MAGI2: variants seen among roughly 807,000 people sequenced by gnomAD.
MAGI2 encodes the protein membrane associated guanylate kinase, WW and PDZ domain containing 2, also known as membrane-associated guanylate kinase, WW and PDZ domain-containing protein 2.
A neutral mutation model predicts 133.3 loss-of-function variants in MAGI2; 35 were observed. The ratio of observed to expected loss-of-function variants is 0.26; its 90% CI spans 0.20 to 0.35. MAGI2 has a LOEUF of 0.35. Ranked by LOEUF, MAGI2 falls within the 10% of genes least tolerant of loss-of-function variation. MAGI2 has a pLI of 1.00. For synonymous variants in MAGI2, 729 were observed against 710.6 expected (o/e 1.03, Z -0.41); for missense variants, 1,636 against 1,863.4 (o/e 0.88, Z 2.25).
At chr7:79,150,927 C>A (rs962869839) in intron 1 of MAGI2, among the ~76,000 whole-genome samples, 1 of 151,896 alleles carries the variant, frequency 6.6e-6, no homozygotes, top group Admixed American at 6.6e-5. Context: ...TAGTTAAAGG[C>A]ATTTTAAAAA....
chr7:78,499,241 C>T (rs1405963221), intron 5 of MAGI2, among the ~76,000 whole-genome samples: 1 of 152,182 alleles, frequency 6.6e-6, no homozygotes, highest in East Asian at 1.9e-4. Context: ...ATGACAGCTC[C>T]CATACCTGGA....
At chr7:78,636,430 A>C (rs1809651323) in intron 2 of MAGI2, among the ~76,000 whole-genome samples, 1 of 149,410 alleles carries the variant, frequency 6.7e-6, no homozygotes, top group African/African-American at 2.5e-5. Context: ...CCCATATGGC[A>C]TCAATTACTG....
chr7:78,444,179 G>T (rs1787898231), intron 6 of MAGI2, among the ~76,000 whole-genome samples: 1 of 152,046 alleles, frequency 6.6e-6, no homozygotes, highest in Non-Finnish European at 1.5e-5. Context: ...AATGTACAAA[G>T]GTCAGTTTAC....
At chr7:79,312,510 T>C (rs1448599572) in intron 1 of MAGI2, among the ~76,000 whole-genome samples, 4 of 152,194 alleles carry the variant, frequency 2.6e-5, no homozygotes, top group African/African-American at 4.8e-5. Context: ...TTCTATGTAA[T>C]ACCGCAACGT....
At chr7:78,309,191 A>G (rs1798485522) in intron 9 of MAGI2, among the ~76,000 whole-genome samples, 1 of 152,250 alleles carries the variant, frequency 6.6e-6, no homozygotes. Flanking sequence ...TACTGGGTAT[A>G]TGCCCAAAGG....
chr7:79,184,200 T>C (rs1826865591), intron 1 of MAGI2, among the ~76,000 whole-genome samples: 1 of 151,794 alleles, frequency 6.6e-6, no homozygotes, highest in African/African-American at 2.4e-5. Context: ...ATTAGCTTGA[T>C]ATAATTATTC....
intron 1 of MAGI2, among the ~76,000 whole-genome samples, chr7:79,295,352 C>A (rs189888724): frequency 1.3e-5 from 2 of 151,988 alleles, no homozygotes; most frequent in South Asian, 2.1e-4. Flanking sequence ...TACTTAAGTA[C>A]AAAATCAAGA....
At chr7:78,753,972 C>T (rs1159312348) in intron 2 of MAGI2, among the ~76,000 whole-genome samples, 2 of 152,100 alleles carry the variant, frequency 1.3e-5, no homozygotes, top group Non-Finnish European at 2.9e-5. Context: ...TAAAAATCAT[C>T]ACTTGTGGTA....
intron 3 of MAGI2, among the ~76,000 whole-genome samples, chr7:78,608,763 A>G (rs946345986): frequency 2.6e-5 from 4 of 152,170 alleles, no homozygotes; most frequent in African/African-American, 9.7e-5. Context: ...AGAATCACAT[A>G]GTTACATGGT....
chr7:79,257,844 T>A (rs749048629), intron 1 of MAGI2, among the ~76,000 whole-genome samples: 1 of 152,040 alleles, frequency 6.6e-6, no homozygotes, highest in Non-Finnish European at 1.5e-5. Context: ...TATTGATGTA[T>A]TTATTATTTG....
intron 6 of MAGI2, among the ~76,000 whole-genome samples, chr7:78,475,733 A>G (rs1791680104): frequency 6.6e-6 from 1 of 151,946 alleles, no homozygotes; most frequent in Non-Finnish European, 1.5e-5. Context: ...CAGCATCTAG[A>G]TGGGAAGTAA....
chr7:79,150,190 G>T (rs572555770), intron 1 of MAGI2, among the ~76,000 whole-genome samples: 8 of 151,794 alleles, frequency 5.3e-5, no homozygotes, highest in Non-Finnish European at 1.2e-4. Context: ...AGAGCCAAGA[G>T]ATTTCCTTTC....
chr7:78,673,776 AC>A (rs899542730), intron 2 of MAGI2, among the ~76,000 whole-genome samples: 3 of 152,142 alleles, frequency 2.0e-5, no homozygotes, highest in African/African-American at 7.2e-5. Context: ...AAACACCCTC[AC>A]AGACACATCT....
At chr7:79,390,628 A>G (rs1014778974) in intron 1 of MAGI2, among the ~76,000 whole-genome samples, 6 of 152,140 alleles carry the variant, frequency 3.9e-5, no homozygotes, top group Admixed American at 2.0e-4. Context: ...TCTTTCTGCA[A>G]TTAAAGTATG....
chr7:78,823,580 CAAAAAAAAAA>C (rs1166858938), intron 2 of MAGI2, among the ~76,000 whole-genome samples: 1 of 91,864 alleles, frequency 1.1e-5, no homozygotes, highest in African/African-American at 4.1e-5. Flanking sequence ...GACTCCGTCT[CAAAAAAAAAA>C]AAAAAAAAAA....
At chr7:78,157,672 A>G (rs1000285961) in intron 16 of MAGI2, among the ~76,000 whole-genome samples, 5 of 152,212 alleles carry the variant, frequency 3.3e-5, no homozygotes, top group African/African-American at 4.8e-5. Context: ...TTCTGCCCCA[A>G]TAAACAATTG....
intron 6 of MAGI2, among the ~76,000 whole-genome samples, chr7:78,476,514 G>C (rs1162817853): frequency 6.6e-6 from 1 of 151,894 alleles, no homozygotes; most frequent in Non-Finnish European, 1.5e-5. Context: ...AGAAGTTCAG[G>C]GACAAACACA....
intron 21 of MAGI2, among the ~76,000 whole-genome samples, chr7:78,035,879 A>G (rs1373618352): frequency 1.3e-5 from 2 of 152,180 alleles, no homozygotes; most frequent in Non-Finnish European, 1.5e-5. Context: ...TGTATTCTAA[A>G]GCTTCGTTGT....
intron 2 of MAGI2, among the ~76,000 whole-genome samples, chr7:78,999,178 A>G (rs1806610165): frequency 6.6e-6 from 1 of 152,158 alleles, no homozygotes; most frequent in Non-Finnish European, 1.5e-5. Context: ...GAGAAATACA[A>G]ACTAAGAGGG....
Sources: gnomAD v4.1 joint callset for allele counts (sites outside exome capture counted in the v4.1 genomes callset) on GRCh38, gnomAD v4.1.1 for gene constraint, MANE v1.5 for transcripts, NCBI Gene and HGNC (gene_info 2026-07-23, HGNC 2026-07-21) for gene names.